The following PCDHA7 variants were observed in gnomAD, a reference collection of about 807,000 sequenced individuals.
PCDHA7 encodes the protein protocadherin alpha-7.
In PCDHA7, 37 loss-of-function variants were observed where a neutral mutation model predicts 57.2. The ratio of observed to expected loss-of-function variants is 0.65; its 90% CI spans 0.50 to 0.85. The LOEUF (loss-of-function observed/expected upper bound fraction) is 0.85. Among genes scored for constraint, PCDHA7 ranks in the 40% least tolerant of loss-of-function variants. The pLI is 0.00. For missense variants in PCDHA7, 1,188 were observed against 1,241.8 expected (o/e 0.96, Z 0.65); for synonymous variants, 553 against 558.8 (o/e 0.99, Z 0.15).
intron 1 of PCDHA7, among the ~76,000 whole-genome samples, chr5:140,923,387 G>T (rs564592920): frequency 6.6e-6 from 1 of 152,254 alleles, no homozygotes; most frequent in Admixed American, 6.5e-5. Context: ...AATTAGTTGG[G>T]CATGGTGGTG....
intron 1 of PCDHA7, chr5:140,875,473 A>T: frequency 1.2e-6 from 2 of 1,606,460 alleles, no homozygotes; most frequent in Non-Finnish European, 1.7e-6. Flanking sequence ...ATTTTCTGCA[A>T]TGGTGATTAT....
chr5:140,850,443 C>G, intron 1 of PCDHA7: 1 of 1,597,988 alleles, frequency 6.3e-7, no homozygotes, highest in East Asian at 2.2e-5. Flanking sequence ...CCTACTGGTG[C>G]TGGTGAAAGA....
At chr5:140,854,022 C>A in intron 1 of PCDHA7, 1 of 318,106 alleles carries the variant, frequency 3.1e-6, no homozygotes, top group Non-Finnish European at 4.7e-6. Context: ...ATTAGCCGGG[C>A]ATGGTGGCAC....
At chr5:140,998,380 A>G (rs921989792) in intron 3 of PCDHA7, among the ~76,000 whole-genome samples, 2 of 152,188 alleles carry the variant, frequency 1.3e-5, no homozygotes, top group African/African-American at 4.8e-5. Context: ...GTCTCTAGAA[A>G]GTTTAATGCC....
chr5:140,858,998 T>G, intron 1 of PCDHA7: 1 of 151,598 alleles, frequency 6.6e-6, no homozygotes, highest in East Asian at 1.9e-4. Context: ...TTGGTAAAAA[T>G]TTCTTAATCT....
chr5:140,875,218 C>T (rs2055357705), intron 1 of PCDHA7: 1 of 744,910 alleles, frequency 1.3e-6, no homozygotes, highest in South Asian at 3.4e-5. Flanking sequence ...CGAAAAGAAC[C>T]TCAGGATCTT....
In PCDHA7 at chr5:140,852,554, C is replaced by T. The variant is rs2150518333; in HGVS notation, c.2355+15816C>T. On this transcript the variant is annotated intron_variant, in intron 1 of 3. Coordinates refer to ENST00000525929, the MANE Select transcript of PCDHA7 (RefSeq NM_018910.3). ...GCCTCCCAAAGTGCTGGGATTAAAG[C>T]TGTGAGCCACTGTGCCAAGGCTTTT... The T allele has an allele frequency of 2.3e-3, 1,476 of 640,248 alleles. 60 individuals are homozygous for T. The highest frequency in any genetic ancestry group is 1.6e-3 in the Non-Finnish European group (826 of 501,678). 39.7% of individuals were successfully genotyped at this position (640,248 alleles called of 1,614,324 possible).
At chr5:140,842,669 G>C (rs1554139258) in intron 1 of PCDHA7, 2 of 1,595,384 alleles carry the variant, frequency 1.3e-6, no homozygotes, top group East Asian at 2.2e-5. Context: ...CGACGTGAAC[G>C]ACAATGCTCC....
chr5:140,891,430 A>G (rs1422502424), intron 1 of PCDHA7, among the ~76,000 whole-genome samples: 1 of 141,772 alleles, frequency 7.1e-6, no homozygotes, highest in Non-Finnish European at 1.5e-5. Flanking sequence ...CCAAGTCCCC[A>G]ACGTCCATTG....
intron 1 of PCDHA7, among the ~76,000 whole-genome samples, chr5:140,913,707 A>T (rs1355291016): frequency 6.6e-6 from 1 of 152,120 alleles, no homozygotes; most frequent in Non-Finnish European, 1.5e-5. Flanking sequence ...CAATGTAGGC[A>T]ATTACAGCTA....
chr5:140,925,836 C>G (rs2082758211), intron 1 of PCDHA7, among the ~76,000 whole-genome samples: 1 of 152,104 alleles, frequency 6.6e-6, no homozygotes, highest in African/African-American at 2.4e-5. Context: ...GACGGGTCGT[C>G]AAGTCTTTGA....
chr5:140,894,096 C>T (rs1487747692), intron 1 of PCDHA7, among the ~76,000 whole-genome samples: 3 of 152,098 alleles, frequency 2.0e-5, no homozygotes, highest in African/African-American at 7.2e-5. Flanking sequence ...TCTTCTAGCT[C>T]CTGGTGTTGC....
intron 1 of PCDHA7, among the ~76,000 whole-genome samples, chr5:140,873,862 T>A (rs188055479): frequency 4.1e-4 from 62 of 152,308 alleles, no homozygotes; most frequent in Admixed American, 1.1e-3. Context: ...GTTTTCACCA[T>A]GTTGGCCAGG....
intron 1 of PCDHA7, chr5:140,882,745 T>A (rs782756975): frequency 4.3e-6 from 7 of 1,614,124 alleles, no homozygotes; most frequent in African/African-American, 1.3e-5. Flanking sequence ...GCGCATCCGA[T>A]GCAGATATTG....
At chr5:140,925,508 A>C (rs1244251216) in intron 1 of PCDHA7, among the ~76,000 whole-genome samples, 1 of 152,138 alleles carries the variant, frequency 6.6e-6, no homozygotes, top group African/African-American at 2.4e-5. Flanking sequence ...ATATCCACGC[A>C]AAAGACCAAA....
chr5:140,858,167 A>G, intron 1 of PCDHA7: 2 of 1,597,724 alleles, frequency 1.3e-6, no homozygotes, highest in Non-Finnish European at 1.7e-6. Flanking sequence ...CGCGGTGTCC[A>G]GCTTGCTGGT....
Position 140,843,432 on chromosome 5 carries a change from T to C in PCDHA7, c.2355+6694T>C. The C allele has an allele frequency of 3.1e-6, 5 of 1,596,056 alleles. 1 individual carries two copies. The highest frequency in any genetic ancestry group is 4.3e-6 in the Non-Finnish European group (5 of 1,165,572). ...GTCAACGTGTACCTGATCATCGCCA[T>C]CTGCGCGGTATCCAGCCTGCTGGTG... On this transcript the variant is annotated intron_variant, in intron 1 of 3. Coordinates refer to ENST00000525929, the MANE Select transcript of PCDHA7 (RefSeq NM_018910.3).
At chr5:140,841,860 T>C (rs2150324281) in intron 1 of PCDHA7, 1 of 1,613,766 alleles carries the variant, frequency 6.2e-7, no homozygotes, top group Admixed American at 1.7e-5. Context: ...TACTTCATGC[T>C]AGATGTGAAT....
At position 140,926,980 on chromosome 5, in the gene PCDHA7, A is replaced by T. The variant is rs781916280; in HGVS notation, c.2356-51969A>T. ...GCTCGAGTACTCAGTGCCGGAGGAG[A>T]CGGAGCGGGGCGTAGCCGTAGGCAA... On this transcript the variant is annotated intron_variant, in intron 1 of 3. Transcript: ENST00000525929. The T allele has an allele frequency of 1.9e-6, 3 of 1,610,246 alleles. No individual in the cohort carries two copies. The Admixed American group carries it at 5.0e-5, about 27-fold the overall frequency.
Sources: gnomAD v4.1 joint callset for allele counts (sites outside exome capture counted in the v4.1 genomes callset) on GRCh38, gnomAD v4.1.1 for gene constraint, MANE v1.5 for transcripts, NCBI Gene and HGNC (gene_info 2026-07-23, HGNC 2026-07-21) for gene names.